Variants in BRMS1 observed in about 807,000 individuals in gnomAD.
BRMS1 encodes BRMS1 transcriptional repressor and anoikis regulator.
A neutral mutation model predicts 40.4 loss-of-function variants in BRMS1; 26 were observed. That is an observed-to-expected ratio of 0.64 (90% CI 0.47 to 0.89). The LOEUF (loss-of-function observed/expected upper bound fraction) is 0.89, where lower values mean the gene tolerates loss of function less well. Among genes scored for constraint, BRMS1 ranks in the 40% least tolerant of loss-of-function variants. BRMS1 has a pLI of 0.00. For synonymous variants in BRMS1, 103 were observed against 116.0 expected, an observed-to-expected ratio of 0.89 and a Z score of 0.72; for missense variants, 289 against 309.4, an observed-to-expected ratio of 0.93 and a Z score of 0.49.
chr11:66,342,191 G>A lies in BRMS1; in HGVS notation c.44C>T (p.Ala15Val), dbSNP rs142767365. Residue 15 changes from alanine (A) to valine (V), a missense_variant, in exon 2 of 10, where the codon GCA becomes GTA. By Grantham distance (64) the Ala-to-Val change is moderately conservative. Transcript: ENST00000359957. ...CATCTCAGCAGCAGAATCACCCTCT[G>A]CTTCCATCTCTTCTGTGTCTTTGCT... ...PPSKDTEEME[A>V]EGDSAAEMNG... The A allele has an allele frequency of 1.9e-6, 3 of 1,613,658 alleles. No individual in the cohort carries two copies. The highest frequency in any genetic ancestry group is 2.5e-6 in the Non-Finnish European group (3 of 1,180,010).
chr11:66,340,121 C>T lies in BRMS1; in HGVS notation c.628G>A (p.Gly210Ser). Residue 210 changes from glycine to serine, a missense_variant and splice_region_variant, in exon 7 of 10, where the codon GGC becomes AGC. Physicochemically the swap from Gly to Ser is moderately conservative, Grantham distance 56. Transcript: ENST00000359957. ...TAGGCCACCTTGGGTGAAAGGATAC[C>T]AGAAACCAGAGGTGCCTTCTTCCTC... is the stretch of plus-strand genomic sequence containing the variant. ...SKRKKAPLVSGPYIVYMLQEI... is the reference protein window; with the variant it reads ...SKRKKAPLVSSPYIVYMLQEI... The T allele has an allele frequency of 6.2e-7, 1 of 1,613,428 alleles. No individual in the cohort carries two copies. Among genetic ancestry groups the T allele is most frequent in the Non-Finnish European group, 8.5e-7 (1 of 1,179,854 alleles).
At position 66,337,834 on chromosome 11, in the gene BRMS1, G is replaced by A. The variant is rs1398064542; in HGVS notation, c.*48C>T. The A allele has an allele frequency of 1.9e-6, 3 of 1,614,096 alleles. No homozygotes were observed. Among genetic ancestry groups the A allele is most frequent in the South Asian group, 2.2e-5 (2 of 91,094 alleles). ...TGCAGGAGGAAGACGAGAATCCTGG[G>A]TGCAGTGCCAGCTGCTCTGAGGGTC... On this transcript the variant is annotated 3_prime_UTR_variant, in exon 10 of 10. Coordinates refer to ENST00000359957, the MANE Select transcript of BRMS1 (RefSeq NM_015399.4).
chr11:66,341,526 C>T lies in BRMS1; in HGVS notation c.230+7G>A, dbSNP rs34601808. On this transcript the variant is annotated splice_region_variant and intron_variant, in intron 3 of 9. Coordinates refer to ENST00000359957, the MANE Select transcript of BRMS1 (RefSeq NM_015399.4). This position sits in a 1 kb window ranked among gnomAD's most constrained non-coding sequence, Gnocchi z 4.9. ...GCAGACCCAGCCCAAGGTGTCCCCA[C>T]GCTCACTTCTCCTTTAGCTCCGAGA... 1,052 of 1,613,822 alleles carry T rather than the reference C, an allele frequency of 6.5e-4. 6 individuals are homozygous for T. In the African/African-American group the frequency reaches 0.011, roughly 17 times the overall value.
At chr11:66,338,682 T>C in intron 8 of BRMS1, 39 bp downstream of exon 8, 10 of 1,613,494 alleles carry the variant, frequency 6.2e-6, no homozygotes, top group Non-Finnish European at 8.5e-6. Flanking sequence ...TGGGGGGCCC[T>C]GAGGTGGGGC....
chr11:66,337,595 C>G lies in BRMS1; in HGVS notation c.*287G>C. 1 of 1,239,642 alleles carries G rather than the reference C, an allele frequency of 8.1e-7. No homozygotes were observed. Among genetic ancestry groups the G allele is most frequent in the Non-Finnish European group, 1.1e-6 (1 of 903,768 alleles). The allele number at this position is 1,239,642 out of a possible 1,614,324, so 76.8% of individuals were successfully genotyped here. On this transcript the variant is annotated 3_prime_UTR_variant, in exon 10 of 10. Transcript: ENST00000359957. ...GCTGTCTTCTCTGTCAGGGGAGCCC[C>G]AAGAGATGGATCTTCAGGAGTGGGA...
chr11:66,338,189 G>T, intron 9 of BRMS1, 54 bp downstream of exon 9: 1 of 1,597,768 alleles, frequency 6.3e-7, no homozygotes, highest in Non-Finnish European at 8.5e-7. Context: ...GCTGAGCTGA[G>T]GAAAGGTGAT....
In BRMS1 at chr11:66,341,194, C is replaced by A. The variant is rs200951263; in HGVS notation, c.358+12G>T. ...TCTGGGAGGGGAAGAGGGTACAGAA[C>A]CACCCACAGACCTGCCACCTGAATG... On this transcript the variant is annotated intron_variant, in intron 4 of 9. Transcript: ENST00000359957. This position sits in a 1 kb window ranked among gnomAD's most constrained non-coding sequence, Gnocchi z 4.9. The A allele has an allele frequency of 5.5e-5, 88 of 1,611,920 alleles. No individual in the cohort carries two copies. In the African/African-American group the frequency reaches 1.0e-3, roughly 19 times the overall value.
At chr11:66,340,587 C>T (rs564839726) in intron 6 of BRMS1, among the ~76,000 whole-genome samples, 187 bp downstream of exon 6, 1 of 152,152 alleles carries the variant, frequency 6.6e-6, no homozygotes, top group Non-Finnish European at 1.5e-5. Context: ...GCAGGGAGAC[C>T]CACTCTGCTT....
chr11:66,342,306 G>GA, intron 1 of BRMS1, 65 bp from the exon 2 acceptor site: 2 of 1,586,762 alleles, frequency 1.3e-6, no homozygotes, highest in Non-Finnish European at 1.7e-6. Flanking sequence ...AGAGGCAGCA[G>GA]GATGCTGAAC....
At chr11:66,343,626 G>A (rs992827664) in intron 1 of BRMS1, among the ~76,000 whole-genome samples, 1 of 152,200 alleles carries the variant, frequency 6.6e-6, no homozygotes, top group African/African-American at 2.4e-5. Flanking sequence ...GGTAGAGTCA[G>A]TAGCAAAGAC....
intron 7 of BRMS1, among the ~76,000 whole-genome samples, chr11:66,339,020 C>T (rs954553959): frequency 1.6e-4 from 24 of 152,166 alleles, no homozygotes; most frequent in Non-Finnish European, 1.9e-4. Flanking sequence ...ACCCTCACCT[C>T]GTCTTAGGTC....
In BRMS1 at chr11:66,340,191, G is replaced by A. The variant is rs145163737; in HGVS notation, c.558C>T (p.His186=). Residue 186 remains histidine, a synonymous_variant, in exon 7 of 10, where the codon CAC becomes CAT. Coordinates refer to ENST00000359957, the MANE Select transcript of BRMS1 (RefSeq NM_015399.4). ...CCCAAGACCTGGAGCTGCCTCTGGC[G>A]TGCAGTTTGTCATCCCACCATTCTG... ...LSSEWWDDKL[H]ARGSSRSWDS... is the part of the protein sequence containing the mutation. 407 of 1,613,540 alleles carry A rather than the reference G, an allele frequency of 2.5e-4. No homozygotes were observed. Among genetic ancestry groups the A allele is most frequent in the Non-Finnish European group, 3.0e-4 (354 of 1,179,874 alleles).
chr11:66,338,880 A>G (rs980461430), intron 7 of BRMS1, 95 bp from the exon 8 acceptor site: 1 of 1,289,332 alleles, frequency 7.8e-7, no homozygotes. Context: ...AGCGGACAGC[A>G]TGGAGTGGGA....
intron 8 of BRMS1, 95 bp downstream of exon 8, chr11:66,338,626 G>T: frequency 6.2e-7 from 1 of 1,601,574 alleles, no homozygotes; most frequent in South Asian, 1.1e-5. Context: ...AAGCCTTGGT[G>T]AGCAGAGAAC....
intron 7 of BRMS1, 108 bp downstream of exon 7, chr11:66,340,013 G>C: frequency 1.2e-6 from 1 of 823,240 alleles, no homozygotes; most frequent in Non-Finnish European, 2.0e-6. Flanking sequence ...GCAACCACGA[G>C]TGCATCTAGT....
rs34306460 is a variant in BRMS1, at chr11:66,341,838, G to A, written c.140-215C>T. The A allele has an allele frequency of 7.7e-3, 5,029 of 650,360 alleles. 189 individuals are homozygous for A. In the African/African-American group the frequency reaches 0.082, roughly 11 times the overall value. The allele number at this position is 650,360 out of a possible 1,614,324, so 40.3% of individuals were successfully genotyped here. On this transcript the variant is annotated intron_variant, in intron 2 of 9. Transcript: ENST00000359957. This position sits in a 1 kb window ranked among gnomAD's most constrained non-coding sequence, Gnocchi z 4.9. ...CATATGCGTGCGTGCTTGTGTGAAGGGGCTGTGTGCACGTGTACTTGTGTG... is the reference window on the plus strand; with the variant it reads ...CATATGCGTGCGTGCTTGTGTGAAGAGGCTGTGTGCACGTGTACTTGTGTG...
Position 66,340,951 on chromosome 11 carries a change from G to T in BRMS1, c.438+16C>A, listed in dbSNP as rs753222440. 1.2e-6 allele frequency: 2 copies of T among 1,613,984 alleles called. No homozygotes were observed. The highest frequency in any genetic ancestry group is 3.3e-5 in the Admixed American group (2 of 60,010). ...TTGTGCCCTGCCTCACCCCCAGTGTGCCCAATCAGGCCCACCTCCAGGTGC... is the reference window on the plus strand; with the variant it reads ...TTGTGCCCTGCCTCACCCCCAGTGTTCCCAATCAGGCCCACCTCCAGGTGC... On this transcript the variant is annotated intron_variant, in intron 5 of 9. Coordinates refer to ENST00000359957, the MANE Select transcript of BRMS1 (RefSeq NM_015399.4).
chr11:66,343,637 C>G (rs1855135475), intron 1 of BRMS1, among the ~76,000 whole-genome samples: 1 of 152,056 alleles, frequency 6.6e-6, no homozygotes, highest in Admixed American at 6.6e-5. Context: ...TAGCAAAGAC[C>G]CAGAAATAAG....
At chr11:66,344,447 A>C (rs1353460152) in intron 1 of BRMS1, 3 of 152,200 alleles carry the variant, frequency 2.0e-5, no homozygotes, top group African/African-American at 7.2e-5. Context: ...ATCAAGCCTC[A>C]GTTCCCAACA....
Sources: allele counts gnomAD v4.1 joint callset (sites outside exome capture counted in the v4.1 genomes callset), GRCh38; gene constraint gnomAD v4.1.1; non-coding constraint Gnocchi (gnomAD v3.1); transcripts MANE v1.5; gene names NCBI Gene and HGNC (gene_info 2026-07-23, HGNC 2026-07-21).